The following FGF14 variants were observed in gnomAD, a reference collection of about 807,000 sequenced individuals.
The protein encoded by FGF14 is fibroblast growth factor 14.
Under a neutral mutation model 25.5 loss-of-function variants are expected in FGF14, and 5 were observed. That is an observed-to-expected ratio of 0.20 (90% CI 0.10 to 0.41). The LOEUF (loss-of-function observed/expected upper bound fraction) is 0.41. FGF14 is among the 10% of genes least tolerant of loss of function. FGF14 has a pLI of 1.00. For missense variants in FGF14, 222 were observed against 320.1 expected (o/e 0.69, Z 2.34); for synonymous variants, 138 against 118.3 (o/e 1.17, Z -1.08).
At chr13:102,146,981 T>C (rs1371727548) in intron 1 of FGF14, among the ~76,000 whole-genome samples, 2 of 152,222 alleles carry the variant, frequency 1.3e-5, no homozygotes, top group African/African-American at 2.4e-5. Flanking sequence ...TGGCAGCCTA[T>C]ATTATGACAT....
At chr13:102,311,514 T>G (rs2055766571) in intron 1 of FGF14, among the ~76,000 whole-genome samples, 1 of 152,078 alleles carries the variant, frequency 6.6e-6, no homozygotes, top group South Asian at 2.1e-4. Context: ...CCTCATGCAT[T>G]TGGGACAGGT....
chr13:102,244,796 G>A (rs1359276288), intron 1 of FGF14, among the ~76,000 whole-genome samples: 2 of 152,002 alleles, frequency 1.3e-5, no homozygotes. Context: ...CATGTGGATG[G>A]CCTCTTGTAT....
chr13:102,221,791 T>A (rs2140958813), intron 1 of FGF14, among the ~76,000 whole-genome samples: 1 of 152,348 alleles, frequency 6.6e-6, no homozygotes, highest in African/African-American at 2.4e-5. Flanking sequence ...TTATTAATTA[T>A]TTTATGTCAT....
At chr13:101,804,207 C>T (rs541409580) in intron 3 of FGF14, among the ~76,000 whole-genome samples, 3 of 152,178 alleles carry the variant, frequency 2.0e-5, no homozygotes, top group South Asian at 2.1e-4. Context: ...TTAGTGAGAA[C>T]GGTTTCAATA....
chr13:102,184,073 C>G (rs1312321126), intron 1 of FGF14, among the ~76,000 whole-genome samples: 1 of 152,194 alleles, frequency 6.6e-6, no homozygotes, highest in Non-Finnish European at 1.5e-5. Flanking sequence ...TGTGAAATCA[C>G]TGAGTTCCAG....
Position 102,401,421 on chromosome 13 carries a change from C to T in FGF14, c.208+50G>A, listed in dbSNP as rs371684600. 4 of 1,555,454 alleles carry T rather than the reference C, an allele frequency of 2.6e-6. No homozygotes were observed. In the African/African-American group the frequency reaches 4.1e-5, roughly 16 times the overall value. ...ACTGCAGATCTAGCTCGATGAGCAA[C>T]AGACAGGTTATTATGAGGAAAAACA... On this transcript the variant is annotated intron_variant, in intron 1 of 4. Transcript: ENST00000376131.
At position 101,868,764 on chromosome 13, in the gene FGF14, C is replaced by G. The variant is rs746040831; in HGVS notation, c.369G>C (p.Leu123Phe). ...AACCTTCTCCATTCATGGCTATATA[C>G]AACCCTGTTTTCACTCCCTGGATGG... ...VVAIQGVKTG[L>F]YIAMNGEGYL... The change falls in exon 3 of 5, where the codon TTG (leucine) becomes TTC (phenylalanine). Residue 123 changes from leucine (L) to phenylalanine (F), a missense_variant. Physicochemically the swap from Leu to Phe is conservative, Grantham distance 22 (BLOSUM62 0). This residue lies in a region of FGF14 where 50 missense variants were observed against 75.2 expected (regional missense o/e 0.66). Coordinates refer to ENST00000376143, the MANE Select transcript of FGF14 (RefSeq NM_004115.4). The G allele has an allele frequency of 5.6e-6, 9 of 1,613,478 alleles. No individual in the cohort carries two copies. Among genetic ancestry groups the G allele is most frequent in the Non-Finnish European group, 7.6e-6 (9 of 1,179,594 alleles).
At chr13:102,208,031 A>C (rs891590151) in intron 1 of FGF14, among the ~76,000 whole-genome samples, 4 of 152,180 alleles carry the variant, frequency 2.6e-5, no homozygotes, top group African/African-American at 7.2e-5. Context: ...CTTCATTAAA[A>C]CTTTAATTTC....
chr13:101,990,250 G>A (rs2139666918), intron 1 of FGF14, among the ~76,000 whole-genome samples: 1 of 152,150 alleles, frequency 6.6e-6, no homozygotes, highest in African/African-American at 2.4e-5. Flanking sequence ...ACCACTTTTG[G>A]CCTCACAATT....
chr13:101,885,993 T>G (rs557090157), intron 1 of FGF14, among the ~76,000 whole-genome samples: 1 of 152,288 alleles, frequency 6.6e-6, no homozygotes, highest in African/African-American at 2.4e-5. Flanking sequence ...GGTTAATGCT[T>G]CAGGACATGT....
At chr13:102,353,170 G>T (rs1319059032) in intron 1 of FGF14, among the ~76,000 whole-genome samples, 4 of 152,178 alleles carry the variant, frequency 2.6e-5, no homozygotes, top group Non-Finnish European at 5.9e-5. Flanking sequence ...AAAAATATTA[G>T]ACATAGTCAC....
chr13:102,213,516 G>A (rs1276763668), intron 1 of FGF14, among the ~76,000 whole-genome samples: 1 of 152,150 alleles, frequency 6.6e-6, no homozygotes, highest in Non-Finnish European at 1.5e-5. Flanking sequence ...TTAAAGTTAA[G>A]AATCTGTTGG....
intron 3 of FGF14, among the ~76,000 whole-genome samples, chr13:101,749,328 A>AT (rs1260745990): frequency 6.6e-6 from 1 of 152,130 alleles, no homozygotes; most frequent in Non-Finnish European, 1.5e-5. Flanking sequence ...TATGACAGTA[A>AT]TAAAAAGGAA....
chr13:101,994,021 C>T (rs1297156904), intron 1 of FGF14, among the ~76,000 whole-genome samples: 4 of 151,980 alleles, frequency 2.6e-5, no homozygotes, highest in Non-Finnish European at 5.9e-5. Context: ...TCATTTCTTA[C>T]ATGTGATAAT....
chr13:102,397,261 G>A (rs2058606878), intron 1 of FGF14, among the ~76,000 whole-genome samples: 1 of 152,154 alleles, frequency 6.6e-6, no homozygotes, highest in African/African-American at 2.4e-5. Context: ...GAGTAACAGT[G>A]GCATACCAGG....
intron 1 of FGF14, among the ~76,000 whole-genome samples, chr13:102,379,248 T>G (rs980602260): frequency 2.6e-5 from 4 of 152,140 alleles, no homozygotes; most frequent in African/African-American, 9.6e-5. Flanking sequence ...CATACCACTA[T>G]TATTTTCAAG....
intron 1 of FGF14, among the ~76,000 whole-genome samples, chr13:102,145,843 TTTTA>T (rs1259851451): frequency 6.6e-6 from 1 of 152,194 alleles, no homozygotes; most frequent in Non-Finnish European, 1.5e-5. Flanking sequence ...ATAAACATTA[TTTTA>T]TTTGAGTGCA....
chr13:101,771,386 G>A (rs1426016344), intron 3 of FGF14, among the ~76,000 whole-genome samples: 1 of 151,922 alleles, frequency 6.6e-6, no homozygotes, highest in Non-Finnish European at 1.5e-5. Flanking sequence ...CCCAAGTATT[G>A]ACCTGAGAAA....
intron 1 of FGF14, among the ~76,000 whole-genome samples, chr13:101,925,823 A>G (rs1195056095): frequency 6.6e-6 from 1 of 152,190 alleles, no homozygotes; most frequent in Non-Finnish European, 1.5e-5. Flanking sequence ...TCCCAAATCA[A>G]TCTCACTGGA....
Sources: gnomAD v4.1 joint callset for allele counts (sites outside exome capture counted in the v4.1 genomes callset) on GRCh38, gnomAD v4.1.1 for gene constraint, gnomAD v4.1.1 regional missense constraint, MANE v1.5 for transcripts, NCBI Gene and HGNC (gene_info 2026-07-23, HGNC 2026-07-21) for gene names.